The following TANGO6 variants were observed in gnomAD, a reference collection of about 807,000 sequenced individuals.
The protein encoded by TANGO6 is transport and golgi organization 6 homolog.
Under a neutral mutation model 114.2 loss-of-function variants are expected in TANGO6, and 90 were observed. That is an observed-to-expected ratio of 0.79 (90% confidence interval 0.66 to 0.94). TANGO6 has a LOEUF of 0.94. Among genes scored for constraint, TANGO6 ranks in the 40% least tolerant of loss-of-function variants. The pLI is 0.00. For synonymous variants in TANGO6, 477 were observed against 509.8 expected, an observed-to-expected ratio of 0.94 and a Z score of 0.87; for missense variants, 1,274 against 1,315.3, an observed-to-expected ratio of 0.97 and a Z score of 0.49.
intron 15 of TANGO6, among the ~76,000 whole-genome samples, chr16:68,981,878 T>C: frequency 6.6e-6 from 1 of 152,146 alleles, no homozygotes; most frequent in East Asian, 1.9e-4. Context: ...CTGCAAATAC[T>C]CCAAACTCTA....
chr16:68,928,243 T>G (rs1963195539), intron 13 of TANGO6, among the ~76,000 whole-genome samples, 160 bp downstream of exon 13: 1 of 152,030 alleles, frequency 6.6e-6, no homozygotes, highest in African/African-American at 2.4e-5. Flanking sequence ...CAGGAAAGAT[T>G]TATTTAGACA....
chr16:68,930,390 A>T, intron 14 of TANGO6, 95 bp downstream of exon 14: 2 of 1,012,960 alleles, frequency 2.0e-6, no homozygotes, highest in Non-Finnish European at 3.0e-6. Flanking sequence ...GGGCCAGGAG[A>T]CTACTGGTCA....
Position 68,860,355 on chromosome 16 carries a change from C to T in TANGO6, c.566C>T (p.Pro189Leu). ...VQDVVCFDAAPDATRRLYTSC... is the reference protein window; with the variant it reads ...VQDVVCFDAALDATRRLYTSC... The stretch of plus-strand genomic sequence containing the variant: ...GACGTGGTGTGTTTTGATGCTGCCC[C>T]CGATGCAACTCGAAGACTGTACACC... Residue 189 changes from proline to leucine, a missense_variant, in exon 2 of 18, where the codon CCC becomes CTC. By Grantham distance (98) the Pro-to-Leu change is moderately conservative. This residue lies in a region of TANGO6 where 908 missense variants were observed against 910.2 expected (regional missense o/e 1.00). Coordinates refer to ENST00000261778, the MANE Select transcript of TANGO6 (RefSeq NM_024562.2). The T allele has an allele frequency of 1.2e-6, 2 of 1,613,912 alleles. No homozygotes were observed. The highest frequency in any genetic ancestry group is 1.7e-6 in the Non-Finnish European group (2 of 1,179,888).
At chr16:68,885,196 G>A (rs748796379) in intron 7 of TANGO6, among the ~76,000 whole-genome samples, 2 of 152,156 alleles carry the variant, frequency 1.3e-5, no homozygotes, top group Non-Finnish European at 2.9e-5. Context: ...TAACGTGGAG[G>A]ATAACAAAAG....
chr16:69,017,878 A>G (rs1169423786), intron 15 of TANGO6, among the ~76,000 whole-genome samples: 1 of 151,350 alleles, frequency 6.6e-6, no homozygotes, highest in Non-Finnish European at 1.5e-5. Flanking sequence ...GTAGAAAAGT[A>G]TATTTTAGTC....
intron 6 of TANGO6, among the ~76,000 whole-genome samples, chr16:68,879,555 A>C (rs527973521): frequency 2.6e-5 from 4 of 152,026 alleles, no homozygotes; most frequent in Non-Finnish European, 5.9e-5. Flanking sequence ...TATTATAGAG[A>C]TTATATAATG....
intron 12 of TANGO6, among the ~76,000 whole-genome samples, chr16:68,920,908 T>TCGAGAC (rs1341096148): frequency 2.0e-5 from 3 of 151,584 alleles, no homozygotes; most frequent in African/African-American, 7.3e-5. Flanking sequence ...GGTCAGGAGA[T>TCGAGAC]CGAGACCATC....
At chr16:68,851,825 ATG>A (rs1961907188) in intron 1 of TANGO6, among the ~76,000 whole-genome samples, 1 of 152,188 alleles carries the variant, frequency 6.6e-6, no homozygotes, top group Admixed American at 6.5e-5. Context: ...TTGCTACAGA[ATG>A]TGTTATAAAA....
In TANGO6 at chr16:68,849,945, A is replaced by ATTACATATTT. The variant is rs1191280626; in HGVS notation, c.94+6235_94+6244dup. ...GTTACAATTTTACTGTAATTGCTTG[A>ATTACATATTT]TTACATATTTGTCTTTCTAGCGGTT... On this transcript the variant is annotated intron_variant, in intron 1 of 17. Transcript: ENST00000261778. 2.7e-5 allele frequency among the ~76,000 whole-genome samples: 4 copies of ATTACATATTT among 149,080 alleles called. No individual in the cohort carries two copies. The East Asian group carries it at 7.9e-4, about 29-fold the overall frequency.
intron 4 of TANGO6, among the ~76,000 whole-genome samples, chr16:68,874,741 A>G (rs1204307782): frequency 6.6e-6 from 1 of 152,202 alleles, no homozygotes; most frequent in African/African-American, 2.4e-5. Context: ...TGAGGTCAGA[A>G]GTTCGAGACC....
At chr16:68,907,768 A>G (rs889154971) in intron 10 of TANGO6, among the ~76,000 whole-genome samples, 193 bp downstream of exon 10, 9 of 152,208 alleles carry the variant, frequency 5.9e-5, no homozygotes, top group African/African-American at 2.2e-4. Flanking sequence ...TCTCTTCACT[A>G]GTACTCATGT....
chr16:68,845,275 C>T (rs1961786164), intron 1 of TANGO6, among the ~76,000 whole-genome samples: 1 of 152,116 alleles, frequency 6.6e-6, no homozygotes, highest in Non-Finnish European at 1.5e-5. Flanking sequence ...GCCTGCAACT[C>T]TCTATTGTAT....
intron 14 of TANGO6, among the ~76,000 whole-genome samples, chr16:68,933,446 C>T (rs1311015944): frequency 1.3e-5 from 2 of 152,176 alleles, no homozygotes; most frequent in African/African-American, 4.8e-5. Context: ...ACTACCCTGA[C>T]ACTCAGTAAC....
At chr16:68,945,538 G>A (rs1027535827) in intron 14 of TANGO6, among the ~76,000 whole-genome samples, 8 of 152,166 alleles carry the variant, frequency 5.3e-5, no homozygotes, top group African/African-American at 1.7e-4. Context: ...TGTTTGATCA[G>A]CTTTCACATA....
At chr16:68,914,077 C>T (rs373239305) in intron 11 of TANGO6, among the ~76,000 whole-genome samples, 2 of 152,154 alleles carry the variant, frequency 1.3e-5, no homozygotes, top group East Asian at 1.9e-4. Flanking sequence ...CAGGTTTAGA[C>T]GCCCCCATAG....
At chr16:68,991,952 T>C (rs144704422) in intron 15 of TANGO6, among the ~76,000 whole-genome samples, 4 of 151,982 alleles carry the variant, frequency 2.6e-5, no homozygotes, top group Non-Finnish European at 5.9e-5. Context: ...GGTGAGAAAA[T>C]GTGAATACTA....
At chr16:68,986,566 A>G (rs1441370523) in intron 15 of TANGO6, among the ~76,000 whole-genome samples, 1 of 151,962 alleles carries the variant, frequency 6.6e-6, no homozygotes, top group African/African-American at 2.4e-5. Context: ...CAGGTCTCTA[A>G]TGGTTCATGC....
chr16:68,976,988 G>A lies in TANGO6; in HGVS notation c.2842+2820G>A, dbSNP rs16958522. Among the ~76,000 whole-genome samples the A allele has an allele frequency of 4.7e-3, 719 of 152,156 alleles. 5 individuals are homozygous for A. The highest frequency in any genetic ancestry group is 0.017 in the African/African-American group (686 of 41,512). ...AAGATATAATCTTAACTTCAGCTTGGGCAATTTGTCTGTGAGCTATAGTAA... is the reference window on the plus strand; with the variant it reads ...AAGATATAATCTTAACTTCAGCTTGAGCAATTTGTCTGTGAGCTATAGTAA... On this transcript the variant is annotated intron_variant, in intron 15 of 17. Coordinates refer to ENST00000261778, the MANE Select transcript of TANGO6 (RefSeq NM_024562.2).
chr16:69,004,608 C>G (rs1964076316), intron 15 of TANGO6, among the ~76,000 whole-genome samples: 1 of 152,168 alleles, frequency 6.6e-6, no homozygotes, highest in Non-Finnish European at 1.5e-5. Context: ...CCCGCCTCAA[C>G]CTCCCTAAGT....
Sources: gnomAD v4.1 joint callset for allele counts (sites outside exome capture counted in the v4.1 genomes callset) on GRCh38, gnomAD v4.1.1 for gene constraint, gnomAD v4.1.1 regional missense constraint, MANE v1.5 for transcripts, NCBI Gene and HGNC (gene_info 2026-07-23, HGNC 2026-07-21) for gene names.